The following UQCRH variants were observed in gnomAD, a reference collection of about 807,000 sequenced individuals.
UQCRH encodes ubiquinol-cytochrome c reductase hinge protein.
In UQCRH, 14 loss-of-function variants were observed where a neutral mutation model predicts 16.3. That is an observed-to-expected ratio of 0.86 (90% CI 0.57 to 1.34). The LOEUF is 1.34. Ranked by LOEUF, UQCRH falls within the 40% of genes most tolerant of loss-of-function variation. The probability of loss-of-function intolerance (pLI) is 0.00; values close to 1 mark genes in which losing one functional copy is unlikely to be tolerated. For synonymous variants in UQCRH, 41 were observed against 41.9 expected, an observed-to-expected ratio of 0.98 and a Z score of 0.08; for missense variants, 89 against 111.9, an observed-to-expected ratio of 0.80 and a Z score of 0.92.
chr1:46,313,810 C>T (rs925889383), intron 3 of UQCRH, among the ~76,000 whole-genome samples: 5 of 151,052 alleles, frequency 3.3e-5, no homozygotes, highest in South Asian at 2.1e-4. Context: ...CACTGCACTC[C>T]AGCCTGGGTG....
rs186811765 is a variant in UQCRH, at chr1:46,313,334, A to G, written c.243+3018A>G. 7.2e-5 allele frequency among the ~76,000 whole-genome samples: 11 copies of G among 152,190 alleles called. No homozygotes were observed. In the East Asian group the frequency reaches 1.2e-3, roughly 16 times the overall value. Reference sequence around the variant, plus strand: ...TGGTAAAACCCTGTCTTTACAAAAAATATATATATAAAAGCCGGGCGCGGT... The same window carrying G: ...TGGTAAAACCCTGTCTTTACAAAAAGTATATATATAAAAGCCGGGCGCGGT... On this transcript the variant is annotated intron_variant, in intron 3 of 3. Transcript: ENST00000311672.
intron 3 of UQCRH, among the ~76,000 whole-genome samples, chr1:46,316,348 A>C (rs578000889): frequency 6.6e-6 from 1 of 152,332 alleles, no homozygotes; most frequent in Admixed American, 6.5e-5. Context: ...GGCTTGCAGG[A>C]AATGACAGTT....
intron 3 of UQCRH, among the ~76,000 whole-genome samples, chr1:46,314,049 T>C (rs2148338157): frequency 6.6e-6 from 1 of 152,288 alleles, no homozygotes; most frequent in East Asian, 1.9e-4. Context: ...ATGTGCTTTG[T>C]ATATACAATG....
At chr1:46,312,651 C>T (rs1661502258) in intron 3 of UQCRH, among the ~76,000 whole-genome samples, 1 of 151,784 alleles carries the variant, frequency 6.6e-6, no homozygotes, top group Non-Finnish European at 1.5e-5. Flanking sequence ...ACCCCTTGAC[C>T]CCAGGAGTTT....
At chr1:46,314,092 C>T (rs11588062) in intron 3 of UQCRH, among the ~76,000 whole-genome samples, 39,549 of 151,968 alleles carry the variant, frequency 0.26, 6,315 homozygotes, top group East Asian at 0.48. Context: ...AGAAGGGGGC[C>T]GGGGCACGGT....
chr1:46,305,598 CA>C (rs1661358452), intron 1 of UQCRH, among the ~76,000 whole-genome samples: 1 of 150,820 alleles, frequency 6.6e-6, no homozygotes, highest in Non-Finnish European at 1.5e-5. Context: ...ACTGAAAATA[CA>C]AAAAATTAGC....
At chr1:46,305,298 CAAAAAAAAAA>C (rs11444271) in intron 1 of UQCRH, among the ~76,000 whole-genome samples, 2 of 65,006 alleles carry the variant, frequency 3.1e-5, no homozygotes, top group South Asian at 1.1e-3. Context: ...GACCCTGTCT[CAAAAAAAAAA>C]AAAAAAAAAA....
intron 3 of UQCRH, among the ~76,000 whole-genome samples, chr1:46,314,897 T>G (rs1251432560): frequency 1.3e-5 from 2 of 152,204 alleles, no homozygotes; most frequent in African/African-American, 4.8e-5. Flanking sequence ...GATATAGTTT[T>G]GATTTAGTAA....
chr1:46,310,305 A>C lies in UQCRH; in HGVS notation c.232A>C (p.Arg78=). The change falls in exon 3 of 4, where the codon AGG becomes CGG. Residue 78 remains arginine (R), a synonymous_variant. Transcript: ENST00000311672. ...GGAGCTCTTTGACTTCTTGCATGCGAGGGACCATTGCGTAAGTCAGTGGGA... is the reference window on the plus strand; with the variant it reads ...GGAGCTCTTTGACTTCTTGCATGCGCGGGACCATTGCGTAAGTCAGTGGGA... ...TEELFDFLHA[R]DHCVAHKLFN... 6.2e-7 allele frequency: 1 copy of C among 1,614,140 alleles called. No homozygotes were observed.
intron 3 of UQCRH, among the ~76,000 whole-genome samples, chr1:46,313,355 G>T (rs908342098): frequency 6.6e-6 from 1 of 152,102 alleles, no homozygotes; most frequent in Non-Finnish European, 1.5e-5. Context: ...AAAGCCGGGC[G>T]CGGTGGCTCA....
rs1374295245 is a variant in UQCRH, at chr1:46,316,564, C to G, written c.256C>G (p.Leu86Val). 1.9e-6 allele frequency: 3 copies of G among 1,613,252 alleles called. No homozygotes were observed. The highest frequency in any genetic ancestry group is 2.5e-6 in the Non-Finnish European group (3 of 1,179,800). ...HARDHCVAHK[L>V]FNNLK is the part of the protein sequence containing the mutation. ...TTCCCCCATCTAGGTGGCCCACAAACTCTTTAACAACTTGAAATAAATGTG... is the reference window on the plus strand; with the variant it reads ...TTCCCCCATCTAGGTGGCCCACAAAGTCTTTAACAACTTGAAATAAATGTG... Residue 86 changes from leucine to valine, a missense_variant, in exon 4 of 4, where the codon CTC becomes GTC. Physicochemically the swap from Leu to Val is conservative, Grantham distance 32 (BLOSUM62 1). Transcript: ENST00000311672.
chr1:46,316,224 G>A lies in UQCRH; in HGVS notation c.244-328G>A, dbSNP rs79560560. On this transcript the variant is annotated intron_variant, in intron 3 of 3. Transcript: ENST00000311672. ...ACTTAGAACACTACCTGGCATATAGGAGATGTCCTGTTGAATTAATATGTA... is the reference window on the plus strand; with the variant it reads ...ACTTAGAACACTACCTGGCATATAGAAGATGTCCTGTTGAATTAATATGTA... 1.1e-3 allele frequency among the ~76,000 whole-genome samples: 160 copies of A among 152,264 alleles called. 2 individuals are homozygous for A. The South Asian group carries it at 0.017, about 16-fold the overall frequency.
chr1:46,310,275 A>G lies in UQCRH; in HGVS notation c.202A>G (p.Thr68Ala). Residue 68 changes from threonine to alanine, a missense_variant, in exon 3 of 4, where the codon ACG (threonine) becomes GCG (alanine). Transcript: ENST00000311672. ...SSRSHTEEDC[T>A]EELFDFLHAR... Reference sequence around the variant, plus strand: ...TCGATCACATACAGAAGAGGATTGCACGGAGGAGCTCTTTGACTTCTTGCA... The same window carrying G: ...TCGATCACATACAGAAGAGGATTGCGCGGAGGAGCTCTTTGACTTCTTGCA... The G allele has an allele frequency of 6.2e-7, 1 of 1,614,132 alleles. No individual in the cohort carries two copies. Among genetic ancestry groups the G allele is most frequent in the Non-Finnish European group, 8.5e-7 (1 of 1,180,028 alleles).
chr1:46,306,432 A>G (rs1019889287), intron 1 of UQCRH, among the ~76,000 whole-genome samples: 1 of 134,494 alleles, frequency 7.4e-6, no homozygotes, highest in African/African-American at 2.9e-5. Flanking sequence ...TGGCTGGAGT[A>G]CAGTGGCGCG....
chr1:46,308,306 G>A (rs1557723809), intron 1 of UQCRH, among the ~76,000 whole-genome samples: 1 of 152,220 alleles, frequency 6.6e-6, no homozygotes. Flanking sequence ...ATATGGGGAA[G>A]TGTCTGAGCT....
intron 3 of UQCRH, among the ~76,000 whole-genome samples, chr1:46,315,776 G>A (rs912953082): frequency 6.6e-6 from 1 of 152,032 alleles, no homozygotes; most frequent in African/African-American, 2.4e-5. Context: ...AAAAAATATC[G>A]TATGATATGA....
chr1:46,312,924 T>C (rs1403091858), intron 3 of UQCRH, among the ~76,000 whole-genome samples: 1 of 152,014 alleles, frequency 6.6e-6, no homozygotes, highest in Non-Finnish European at 1.5e-5. Context: ...CCCACTAGGA[T>C]GGCTATAATA....
rs912011760 is a variant in UQCRH at position 46,309,432 on chromosome 1, C to T, written c.81+305C>T. 21 of 335,750 alleles carry T rather than the reference C, an allele frequency of 6.3e-5. No homozygotes were observed. In the East Asian group the frequency reaches 1.1e-3, roughly 17 times the overall value. The allele number at this position is 335,750 out of a possible 1,614,324, so 20.8% of individuals were successfully genotyped here. A position where few individuals can be genotyped will look rare whatever the true frequency, so the allele number is the denominator to read the frequency against. ...TTGGGCTAGGCATGGTGGCTCGTGC[C>T]TGTAATCTCAGCACTTTGGGAGGCC... is the stretch of plus-strand genomic sequence containing the variant. On this transcript the variant is annotated intron_variant, in intron 2 of 3. Transcript: ENST00000311672.
At chr1:46,307,112 C>A (rs1449731968) in intron 1 of UQCRH, among the ~76,000 whole-genome samples, 1 of 152,160 alleles carries the variant, frequency 6.6e-6, no homozygotes, top group Non-Finnish European at 1.5e-5. Flanking sequence ...GGGGTAGGAT[C>A]TTGGCTCCTG....
Sources: gnomAD v4.1 joint callset for allele counts (sites outside exome capture counted in the v4.1 genomes callset) on GRCh38, gnomAD v4.1.1 for gene constraint, MANE v1.5 for transcripts, NCBI Gene and HGNC (gene_info 2026-07-23, HGNC 2026-07-21) for gene names.